Variants in SUGCT observed in about 807,000 individuals in gnomAD.
SUGCT encodes succinyl-CoA:glutarate CoA-transferase.
SUGCT carries 41 observed loss-of-function variants against 55.0 expected under a neutral mutation model. That is an observed-to-expected ratio of 0.74 (90% CI 0.58 to 0.97). The LOEUF (loss-of-function observed/expected upper bound fraction) is 0.97. SUGCT is among the 50% of genes least tolerant of loss of function. SUGCT has a pLI of 0.00. For missense variants in SUGCT, 568 were observed against 547.8 expected (o/e 1.04, Z -0.37); for synonymous variants, 187 against 200.4 (o/e 0.93, Z 0.56).
rs148000965 is a variant in SUGCT, at chr7:40,678,563, C to A, written c.1090-70871C>A. Among the ~76,000 whole-genome samples the A allele has an allele frequency of 2.1e-3, 323 of 151,870 alleles. 2 individuals are homozygous for A. Among genetic ancestry groups the A allele is most frequent in the African/African-American group, 7.2e-3 (297 of 41,360 alleles). On this transcript the variant is annotated intron_variant, in intron 12 of 13. Coordinates refer to ENST00000335693, the MANE Select transcript of SUGCT (RefSeq NM_001193313.2). ...CTTCCTGGGCAAATTTGTTGGAACC[C>A]AAAAATAAATAAATAAATAAGCCAG...
At chr7:40,319,394 T>C (rs1037892859) in intron 9 of SUGCT, among the ~76,000 whole-genome samples, 2 of 152,148 alleles carry the variant, frequency 1.3e-5, no homozygotes, top group Non-Finnish European at 2.9e-5. Context: ...GGGAATATTT[T>C]TGTGGGTGAA....
chr7:40,329,536 C>T (rs759010235), intron 9 of SUGCT, among the ~76,000 whole-genome samples: 1 of 152,090 alleles, frequency 6.6e-6, no homozygotes, highest in African/African-American at 2.4e-5. Flanking sequence ...TCAAGTGCCC[C>T]CTCCTCCTTC....
At chr7:40,600,729 T>TTG (rs546924890) in intron 12 of SUGCT, among the ~76,000 whole-genome samples, 57 of 152,152 alleles carry the variant, frequency 3.7e-4, no homozygotes, top group African/African-American at 1.3e-3. Flanking sequence ...AGAGAGTTTT[T>TTG]TTTTTTTTTT....
intron 12 of SUGCT, among the ~76,000 whole-genome samples, chr7:40,532,612 T>C (rs2151598106): frequency 6.6e-6 from 1 of 151,884 alleles, no homozygotes; most frequent in African/African-American, 2.4e-5. Flanking sequence ...TTTTAATCTG[T>C]AGTGTGAGGT....
At chr7:40,298,565 G>T (rs117100067) in intron 8 of SUGCT, among the ~76,000 whole-genome samples, 4 of 152,080 alleles carry the variant, frequency 2.6e-5, no homozygotes, top group Admixed American at 1.3e-4. Flanking sequence ...CATTATTGTC[G>T]TGGGAAACAC....
chr7:40,778,878 C>T (rs997920111), intron 13 of SUGCT, among the ~76,000 whole-genome samples: 1 of 152,154 alleles, frequency 6.6e-6, no homozygotes, highest in Non-Finnish European at 1.5e-5. Flanking sequence ...ATGGCTTTTA[C>T]CAAGTACAAA....
At chr7:40,536,926 A>G (rs1049879385) in intron 12 of SUGCT, among the ~76,000 whole-genome samples, 1 of 152,234 alleles carries the variant, frequency 6.6e-6, no homozygotes, top group Non-Finnish European at 1.5e-5. Context: ...ACAGTACAGT[A>G]GGAAATTAAA....
rs1168316176 is a variant in SUGCT at position 40,245,423 on chromosome 7, ATTTTTTTTTTTTTTT to A, written c.576+7717_576+7731del. 1.3e-4 allele frequency among the ~76,000 whole-genome samples: 7 copies of A among 54,572 alleles called. No individual in the cohort carries two copies. In the East Asian group the frequency reaches 2.2e-3, roughly 17 times the overall value. 35.8% of individuals were successfully genotyped at this position (54,572 alleles called of 152,430 possible). A position where few individuals can be genotyped will look rare whatever the true frequency, so the allele number is the denominator to read the frequency against. On this transcript the variant is annotated intron_variant, in intron 7 of 13. Transcript: ENST00000335693. ...AGTAGACATATATATATATATATATATTTTTTTTTTTTTTTTTTTTTTTTTTTTTTTTTTGAGATG... is the reference window on the plus strand; with the variant it reads ...AGTAGACATATATATATATATATATATTTTTTTTTTTTTTTTTTTGAGATG...
chr7:40,497,503 G>A (rs576546915), intron 12 of SUGCT, among the ~76,000 whole-genome samples: 2 of 152,192 alleles, frequency 1.3e-5, no homozygotes, highest in African/African-American at 2.4e-5. Context: ...TGGTCAATAA[G>A]TATTTGAGAT....
intron 9 of SUGCT, among the ~76,000 whole-genome samples, chr7:40,421,653 G>C (rs931779148): frequency 2.6e-4 from 40 of 152,194 alleles, no homozygotes; most frequent in African/African-American, 9.4e-4. Flanking sequence ...TATGGAAAGA[G>C]AGCAATTTAC....
At chr7:40,388,130 A>T (rs953286255) in intron 9 of SUGCT, 1 of 152,200 alleles carries the variant, frequency 6.6e-6, no homozygotes, top group Non-Finnish European at 1.5e-5. Flanking sequence ...GATCTAATAA[A>T]CATTACCACA....
intron 12 of SUGCT, among the ~76,000 whole-genome samples, chr7:40,589,287 T>A (rs958554699): frequency 5.9e-5 from 9 of 152,190 alleles, no homozygotes; most frequent in African/African-American, 2.2e-4. Context: ...ACTTTAACAA[T>A]GCATGAGACT....
intron 12 of SUGCT, among the ~76,000 whole-genome samples, chr7:40,704,517 A>C (rs183315374): frequency 6.6e-6 from 1 of 152,270 alleles, no homozygotes; most frequent in Non-Finnish European, 1.5e-5. Context: ...TAGAGGTCAC[A>C]TAGCATAACA....
intron 12 of SUGCT, among the ~76,000 whole-genome samples, chr7:40,720,031 C>CT (rs1488247702): frequency 6.6e-6 from 1 of 152,106 alleles, no homozygotes; most frequent in Non-Finnish European, 1.5e-5. Flanking sequence ...AGTGATCCAC[C>CT]TGCCTCGGCC....
chr7:40,526,106 G>A (rs1194577669), intron 12 of SUGCT, among the ~76,000 whole-genome samples: 8 of 152,154 alleles, frequency 5.3e-5, no homozygotes, highest in Non-Finnish European at 1.2e-4. Context: ...TTAAAGGTAT[G>A]CAAAAATCCT....
chr7:40,887,360 G>T, the SUGCT span, among the ~76,000 whole-genome samples: 2 of 150,768 alleles, frequency 1.3e-5, no homozygotes, highest in African/African-American at 5.0e-5. Flanking sequence ...GGAAACTACT[G>T]TAGTAGTAAG....
intron 12 of SUGCT, among the ~76,000 whole-genome samples, chr7:40,549,047 AAC>A (rs1166711056): frequency 6.6e-6 from 1 of 152,200 alleles, no homozygotes; most frequent in Non-Finnish European, 1.5e-5. Flanking sequence ...CTCTTTGCCC[AAC>A]AGTTTCTCCT....
the SUGCT span, among the ~76,000 whole-genome samples, chr7:41,031,372 G>C: frequency 1.3e-5 from 2 of 152,054 alleles, no homozygotes; most frequent in South Asian, 4.1e-4. Flanking sequence ...TGCTAAAAAG[G>C]ACTGAGAAAG....
At chr7:40,294,744 A>T (rs1181998360) in intron 8 of SUGCT, among the ~76,000 whole-genome samples, 2 of 151,946 alleles carry the variant, frequency 1.3e-5, no homozygotes, top group African/African-American at 2.4e-5. Flanking sequence ...ATGGGGTTTC[A>T]CCATGTTGGT....
Sources: allele counts gnomAD v4.1 joint callset (sites outside exome capture counted in the v4.1 genomes callset), GRCh38; gene constraint gnomAD v4.1.1; transcripts MANE v1.5; gene names NCBI Gene and HGNC (gene_info 2026-07-23, HGNC 2026-07-21).